FILIP1L: variants seen among roughly 807,000 people sequenced by gnomAD.
The protein encoded by FILIP1L is filamin A interacting protein 1 like, also known as filamin A-interacting protein 1-like.
A neutral mutation model predicts 96.6 loss-of-function variants in FILIP1L; 55 were observed. That is an observed-to-expected ratio of 0.57 (90% CI 0.46 to 0.71). FILIP1L has a LOEUF of 0.71. Among genes scored for constraint, FILIP1L ranks in the 30% least tolerant of loss-of-function variants. The pLI is 0.00. For missense variants in FILIP1L, 1,304 were observed against 1,321.2 expected (o/e 0.99, Z 0.20); for synonymous variants, 467 against 473.9 (o/e 0.99, Z 0.19).
chr3:100,070,932 G>C (rs745789337), intron 1 of FILIP1L, among the ~76,000 whole-genome samples: 3 of 152,028 alleles, frequency 2.0e-5, no homozygotes, highest in South Asian at 2.1e-4. Flanking sequence ...CGCCTGGCCT[G>C]TGGTTTTCTT....
intron 1 of FILIP1L, among the ~76,000 whole-genome samples, chr3:99,984,060 T>TGTGTGTGTGTGTGTGTG (rs1559714079): frequency 8.0e-5 from 2 of 24,976 alleles, no homozygotes; most frequent in Non-Finnish European, 8.5e-5. Flanking sequence ...GTATGTGTGT[T>TGTGTGTGTGTGTGTGTG]TGTGTGTGTG....
In FILIP1L at chr3:99,871,724, T is replaced by A. The variant is rs1370531062; in HGVS notation, c.606-20654A>T. 3.3e-5 allele frequency among the ~76,000 whole-genome samples: 5 copies of A among 152,160 alleles called. No homozygotes were observed. In the East Asian group the frequency reaches 5.8e-4, roughly 18 times the overall value. ...TTAGCTGGAAGATACTAATAGAAGG[T>A]CATTTGTCAAGTTAGTGGTTCAGAC... is the stretch of plus-strand genomic sequence containing the variant. On this transcript the variant is annotated intron_variant, in intron 4 of 5. Transcript: ENST00000477258.
chr3:100,004,278 A>C (rs1355849585), intron 1 of FILIP1L, among the ~76,000 whole-genome samples: 1 of 152,208 alleles, frequency 6.6e-6, no homozygotes, highest in African/African-American at 2.4e-5. Flanking sequence ...ATTTTTCTTT[A>C]GAGTGAACTG....
At chr3:99,957,325 A>G (rs1708348148) in intron 1 of FILIP1L, among the ~76,000 whole-genome samples, 2 of 152,134 alleles carry the variant, frequency 1.3e-5, no homozygotes, top group South Asian at 4.1e-4. Context: ...TCTAAGCATT[A>G]ACAGAAAGTA....
At chr3:100,004,603 A>G (rs575899237) in intron 1 of FILIP1L, among the ~76,000 whole-genome samples, 4 of 152,324 alleles carry the variant, frequency 2.6e-5, no homozygotes, top group African/African-American at 9.6e-5. Flanking sequence ...AAGAAACATC[A>G]TCATCATCAG....
Position 100,004,654 on chromosome 3 carries a change from C to T in FILIP1L, c.-10-73624G>A, listed in dbSNP as rs569752778. ...AGGATGTCATGAAACCAAAAGAGGA[C>T]GGCTTCATGAAGAGAGAGCACCATA... is the stretch of plus-strand genomic sequence containing the variant. On this transcript the variant is annotated intron_variant, in intron 1 of 5. Transcript: ENST00000477258. 1.6e-3 allele frequency among the ~76,000 whole-genome samples: 243 copies of T among 152,272 alleles called. 1 individual carries two copies. Among genetic ancestry groups the T allele is most frequent in the Non-Finnish European group, 2.9e-3 (200 of 68,024 alleles).
intron 1 of FILIP1L, among the ~76,000 whole-genome samples, chr3:100,012,208 A>G (rs1710176703): frequency 1.3e-5 from 2 of 152,184 alleles, no homozygotes; most frequent in Admixed American, 6.5e-5. Flanking sequence ...AAAGGATAAA[A>G]TATCTAAAAT....
chr3:99,914,345 A>G (rs1706885524), intron 4 of FILIP1L, among the ~76,000 whole-genome samples: 1 of 152,242 alleles, frequency 6.6e-6, no homozygotes, highest in Non-Finnish European at 1.5e-5. Flanking sequence ...TTGATAGGGA[A>G]AAGGAAATAT....
Position 99,956,273 on chromosome 3 carries a change from C to G in FILIP1L, c.-10-25243G>C, listed in dbSNP as rs150796949. 2.0e-5 allele frequency among the ~76,000 whole-genome samples: 3 copies of G among 152,324 alleles called. No homozygotes were observed. The East Asian group carries it at 5.8e-4, about 29-fold the overall frequency. ...TTTCCTTCCTCTGCCCCCAACACCTCTTCACATCTTTACACATGTTCTCCT... is the reference window on the plus strand; with the variant it reads ...TTTCCTTCCTCTGCCCCCAACACCTGTTCACATCTTTACACATGTTCTCCT... On this transcript the variant is annotated intron_variant, in intron 1 of 5. Coordinates refer to ENST00000477258, the MANE Select transcript of FILIP1L (RefSeq NM_001387850.1).
chr3:99,885,411 C>T (rs758209627), intron 4 of FILIP1L, among the ~76,000 whole-genome samples: 8 of 152,212 alleles, frequency 5.3e-5, no homozygotes, highest in Non-Finnish European at 8.8e-5. Flanking sequence ...TGTCCCATTA[C>T]TAGACTATGC....
intron 1 of FILIP1L, among the ~76,000 whole-genome samples, chr3:100,017,442 A>G (rs1018717644): frequency 1.3e-5 from 2 of 152,228 alleles, no homozygotes; most frequent in Non-Finnish European, 2.9e-5. Context: ...GCACCACTTT[A>G]TCCTCTTTAA....
intron 1 of FILIP1L, among the ~76,000 whole-genome samples, chr3:100,037,501 C>T (rs1252260096): frequency 1.3e-5 from 2 of 152,074 alleles, no homozygotes; most frequent in Non-Finnish European, 2.9e-5. Flanking sequence ...ATAAAGCCAG[C>T]GCAACATATA....
At chr3:99,932,288 T>G (rs1707506744) in intron 1 of FILIP1L, among the ~76,000 whole-genome samples, 2 of 152,202 alleles carry the variant, frequency 1.3e-5, no homozygotes, top group Admixed American at 1.3e-4. Context: ...TGCTGAACAA[T>G]GTATAGTATT....
intron 1 of FILIP1L, among the ~76,000 whole-genome samples, chr3:99,980,285 A>G (rs1184559420): frequency 3.9e-5 from 6 of 152,124 alleles, no homozygotes; most frequent in African/African-American, 1.2e-4. Flanking sequence ...GTGACTTTGG[A>G]CAAGTTACTT....
At chr3:100,000,160 G>A (rs1268235579) in intron 1 of FILIP1L, among the ~76,000 whole-genome samples, 1 of 152,102 alleles carries the variant, frequency 6.6e-6, no homozygotes. Context: ...CCTGGAATTT[G>A]TTCCACAAAA....
At position 100,089,885 on chromosome 3, in the gene FILIP1L, C is replaced by T. The variant is rs1354186939; in HGVS notation, c.-11+24168G>A. Among the ~76,000 whole-genome samples the T allele has an allele frequency of 5.3e-5, 8 of 152,324 alleles. 1 individual carries two copies. The South Asian group carries it at 1.7e-3, about 32-fold the overall frequency. On this transcript the variant is annotated intron_variant, in intron 1 of 5. Coordinates refer to ENST00000477258, the MANE Select transcript of FILIP1L (RefSeq NM_001387850.1). ...GTGACCTGGAGCAAGTCTTGTCTTC[C>T]GTTTCCTAGGCTGTGAACTGTAGGA...
chr3:99,900,110 A>C (rs1259030992), intron 4 of FILIP1L, among the ~76,000 whole-genome samples: 1 of 152,216 alleles, frequency 6.6e-6, no homozygotes, highest in African/African-American at 2.4e-5. Flanking sequence ...CACACATAGC[A>C]GGTATTCAGT....
At chr3:99,891,105 C>T (rs1485874050) in intron 4 of FILIP1L, among the ~76,000 whole-genome samples, 2 of 150,758 alleles carry the variant, frequency 1.3e-5, no homozygotes, top group South Asian at 2.1e-4. Context: ...TGCAAATTCT[C>T]GTGTGGGCTA....
At chr3:100,001,017 A>G (rs149166784) in intron 1 of FILIP1L, among the ~76,000 whole-genome samples, 1,828 of 152,292 alleles carry the variant, frequency 0.012, 23 homozygotes, top group African/African-American at 0.027. Context: ...AAACTGTTCA[A>G]TTCCCTTTGA....
Sources: allele counts gnomAD v4.1 joint callset (sites outside exome capture counted in the v4.1 genomes callset), GRCh38; gene constraint gnomAD v4.1.1; transcripts MANE v1.5; gene names NCBI Gene and HGNC (gene_info 2026-07-23, HGNC 2026-07-21).